The following CLEC16A variants were observed in gnomAD, a reference collection of about 807,000 sequenced individuals.
The protein encoded by CLEC16A is C-type lectin domain containing 16A, also known as protein CLEC16A.
Under a neutral mutation model 109.5 loss-of-function variants are expected in CLEC16A, and 51 were observed. The ratio of observed to expected loss-of-function variants is 0.47; its 90% CI spans 0.37 to 0.59. CLEC16A has a LOEUF of 0.59. Among genes scored for constraint, CLEC16A ranks in the 20% least tolerant of loss-of-function variants. The pLI is 0.00. For missense variants in CLEC16A, 1,339 were observed against 1,394.0 expected (o/e 0.96, Z 0.63); for synonymous variants, 673 against 564.2 (o/e 1.19, Z -2.73).
intron 19 of CLEC16A, among the ~76,000 whole-genome samples, chr16:11,089,100 T>A (rs374384923): frequency 4.1e-4 from 63 of 152,220 alleles, no homozygotes; most frequent in African/African-American, 1.5e-3. Flanking sequence ...CACATACGTA[T>A]TCCTCTGGGT....
intron 11 of CLEC16A, among the ~76,000 whole-genome samples, chr16:11,018,516 G>A (rs1422873296): frequency 3.3e-5 from 5 of 152,102 alleles, no homozygotes; most frequent in East Asian, 1.9e-4. Flanking sequence ...TTGGGAGGCC[G>A]AGACAGGCAG....
intron 19 of CLEC16A, among the ~76,000 whole-genome samples, chr16:11,091,799 G>A (rs2050320265): frequency 6.6e-6 from 1 of 152,164 alleles, no homozygotes; most frequent in Non-Finnish European, 1.5e-5. Context: ...CAGATGATCT[G>A]CTAGGCTTTC....
chr16:11,178,894 C>T lies in CLEC16A; in HGVS notation c.*204C>T. The T allele has an allele frequency of 1.9e-6, 1 of 528,366 alleles. No individual in the cohort carries two copies. The highest frequency in any genetic ancestry group is 3.3e-6 in the Non-Finnish European group (1 of 302,612). 32.7% of individuals were successfully genotyped at this position (528,366 alleles called of 1,614,324 possible). A position where few individuals can be genotyped will look rare whatever the true frequency, so the allele number is the denominator to read the frequency against. ...TTTTCACTTTGCATCTCTTCACGTGCAGGCTGGGACCAGCGGAGACACCGC... is the reference window on the plus strand; with the variant it reads ...TTTTCACTTTGCATCTCTTCACGTGTAGGCTGGGACCAGCGGAGACACCGC... On this transcript the variant is annotated 3_prime_UTR_variant, in exon 24 of 24. Coordinates refer to ENST00000409790, the MANE Select transcript of CLEC16A (RefSeq NM_015226.3). The surrounding 1 kb of genome is among the most constrained non-coding windows in gnomAD (Gnocchi z 6.5).
At chr16:11,168,178 A>G (rs961088983) in intron 23 of CLEC16A, among the ~76,000 whole-genome samples, 2 of 152,008 alleles carry the variant, frequency 1.3e-5, no homozygotes, top group Non-Finnish European at 2.9e-5. Context: ...CCTGAATGTG[A>G]CCCCTGAGGC....
At chr16:10,959,731 A>G (rs1340872440) in intron 2 of CLEC16A, among the ~76,000 whole-genome samples, 1 of 151,688 alleles carries the variant, frequency 6.6e-6, no homozygotes, top group African/African-American at 2.4e-5. Context: ...GAAATCAAAA[A>G]GACCCTTGGG....
chr16:11,089,547 C>T (rs574023813), intron 19 of CLEC16A, among the ~76,000 whole-genome samples: 2 of 152,220 alleles, frequency 1.3e-5, no homozygotes, highest in Non-Finnish European at 2.9e-5. Context: ...AAACCTCCTG[C>T]CAACAGCGCA....
At chr16:11,054,436 C>T (rs1381308200) in intron 18 of CLEC16A, among the ~76,000 whole-genome samples, 1 of 152,216 alleles carries the variant, frequency 6.6e-6, no homozygotes, top group Non-Finnish European at 1.5e-5. Flanking sequence ...GTTGCAGGTT[C>T]CCAGGGCTGT....
intron 13 of CLEC16A, among the ~76,000 whole-genome samples, chr16:11,032,261 C>T (rs1346535999): frequency 2.6e-5 from 4 of 152,216 alleles, no homozygotes; most frequent in Non-Finnish European, 5.9e-5. Context: ...AAGAGGCAGG[C>T]ATCTGGAGCC....
chr16:11,027,160 G>T (rs547122760), intron 13 of CLEC16A: 4 of 1,428,682 alleles, frequency 2.8e-6, no homozygotes, highest in Non-Finnish European at 3.9e-6. Flanking sequence ...AAAGGAAAAG[G>T]GCTCAGGTTT....
chr16:10,985,793 C>A (rs999530466), intron 10 of CLEC16A, among the ~76,000 whole-genome samples: 1 of 151,986 alleles, frequency 6.6e-6, no homozygotes, highest in Non-Finnish European at 1.5e-5. Flanking sequence ...TCTCGGCTCA[C>A]TGCAGCCTCT....
chr16:11,033,329 C>T (rs186365931), intron 13 of CLEC16A, among the ~76,000 whole-genome samples: 1 of 152,256 alleles, frequency 6.6e-6, no homozygotes, highest in Admixed American at 6.5e-5. Flanking sequence ...GGGTAAGGCT[C>T]AGGTTCCTGA....
chr16:10,986,906 T>C (rs528794316), intron 10 of CLEC16A, among the ~76,000 whole-genome samples: 3 of 151,986 alleles, frequency 2.0e-5, no homozygotes, highest in Non-Finnish European at 4.4e-5. Flanking sequence ...CAGGCTGGAG[T>C]ACAGTAGCGT....
At chr16:11,165,916 C>T (rs566414623) in intron 22 of CLEC16A, among the ~76,000 whole-genome samples, 3 of 152,266 alleles carry the variant, frequency 2.0e-5, no homozygotes, top group South Asian at 4.2e-4. Context: ...GTCCAGGGCA[C>T]TGTCCTCCTG....
In CLEC16A at chr16:11,178,711, T is replaced by TTGTG. The variant is rs773319696; in HGVS notation, c.*28_*31dup. On this transcript the variant is annotated 3_prime_UTR_variant, in exon 24 of 24. Coordinates refer to ENST00000409790, the MANE Select transcript of CLEC16A (RefSeq NM_015226.3). This position sits in a 1 kb window ranked among gnomAD's most constrained non-coding sequence, Gnocchi z 6.5. ...ACTGAGTCAGTGCCGGGGCCTCCCT[T>TTGTG]TGTGTGTGTGGCCCCGCTGGTAGGG... The TTGTG allele has an allele frequency of 2.2e-5, 32 of 1,443,298 alleles. No individual in the cohort carries two copies. Among genetic ancestry groups the TTGTG allele is most frequent in the Non-Finnish European group, 2.7e-5 (30 of 1,096,226 alleles). The allele number at this position is 1,443,298 out of a possible 1,614,324, so 89.4% of individuals were successfully genotyped here. A position where few individuals can be genotyped will look rare whatever the true frequency, so the allele number is the denominator to read the frequency against.
intron 22 of CLEC16A, among the ~76,000 whole-genome samples, chr16:11,131,863 C>T (rs2053228651): frequency 6.6e-6 from 1 of 152,196 alleles, no homozygotes; most frequent in African/African-American, 2.4e-5. Flanking sequence ...TCCAGCCCTT[C>T]AGCCGCACTG....
chr16:11,149,329 G>A (rs1417638644), intron 22 of CLEC16A, among the ~76,000 whole-genome samples: 1 of 152,258 alleles, frequency 6.6e-6, no homozygotes, highest in African/African-American at 2.4e-5. Flanking sequence ...ATACATGAAC[G>A]TAGAATATTA....
chr16:11,042,215 A>T (rs1040113024), intron 14 of CLEC16A, 39 bp from the exon 15 acceptor site: 84 of 1,496,230 alleles, frequency 5.6e-5, no homozygotes, highest in Non-Finnish European at 7.3e-5. Context: ...AGGGCGCCCC[A>T]CCCTGGGTGT....
intron 10 of CLEC16A, among the ~76,000 whole-genome samples, chr16:10,988,977 G>C (rs767037085): frequency 1.3e-5 from 2 of 152,166 alleles, no homozygotes; most frequent in African/African-American, 2.4e-5. Flanking sequence ...AGCTGTCTCT[G>C]GACTGATGAA....
rs996064087 is a variant in CLEC16A at position 11,178,286 on chromosome 16, G to A, written c.2807-49G>A. On this transcript the variant is annotated intron_variant, in intron 23 of 23. Transcript: ENST00000409790. This position sits in a 1 kb window ranked among gnomAD's most constrained non-coding sequence, Gnocchi z 6.5. ...TGGGAGCACAGGGCGCAGTGCGACGGGGTGTCTCAAGGGCTCAGTGTGTTT... is the reference window on the plus strand; with the variant it reads ...TGGGAGCACAGGGCGCAGTGCGACGAGGTGTCTCAAGGGCTCAGTGTGTTT... 2 of 1,512,098 alleles carry A rather than the reference G, an allele frequency of 1.3e-6. No homozygotes were observed. The highest frequency in any genetic ancestry group is 1.8e-6 in the Non-Finnish European group (2 of 1,103,128). 93.7% of individuals were successfully genotyped at this position (1,512,098 alleles called of 1,614,324 possible).
Sources: allele counts gnomAD v4.1 joint callset (sites outside exome capture counted in the v4.1 genomes callset), GRCh38; gene constraint gnomAD v4.1.1; non-coding constraint Gnocchi (gnomAD v3.1); transcripts MANE v1.5; gene names NCBI Gene and HGNC (gene_info 2026-07-23, HGNC 2026-07-21).